Variants in CACNG4 observed in about 807,000 individuals in gnomAD.
CACNG4 encodes the protein voltage-dependent calcium channel gamma-4 subunit.
Under a neutral mutation model 22.9 loss-of-function variants are expected in CACNG4, and 8 were observed. That is an observed-to-expected ratio of 0.35 (90% CI 0.21 to 0.63). The LOEUF (loss-of-function observed/expected upper bound fraction) is 0.63, where lower values mean the gene tolerates loss of function less well. CACNG4 is among the 30% of genes least tolerant of loss of function. The pLI, the probability that CACNG4 is intolerant of heterozygous loss-of-function variation, is 0.72. For synonymous variants in CACNG4, 188 were observed against 191.9 expected (o/e 0.98, Z 0.17); for missense variants, 357 against 455.4 (o/e 0.78, Z 1.97).
In CACNG4 at chr17:67,030,332, G is replaced by A. The variant is rs1391017140; in HGVS notation, c.446-134G>A. The A allele has an allele frequency of 5.3e-6, 4 of 757,926 alleles. No individual in the cohort carries two copies. The highest frequency in any genetic ancestry group is 8.9e-6 in the Non-Finnish European group (4 of 450,784). The allele number at this position is 757,926 out of a possible 1,614,324, so 47.0% of individuals were successfully genotyped here. On this transcript the variant is annotated intron_variant, in intron 3 of 3. Coordinates refer to ENST00000262138, the MANE Select transcript of CACNG4 (RefSeq NM_014405.4). The surrounding 1 kb of genome is among the most constrained non-coding windows in gnomAD (Gnocchi z 6.4). Reference sequence around the variant, plus strand: ...CATTAATTACTGAAAAGAAAAATTAGCAACCAGAATAAAGAAATACTCATC... The same window carrying A: ...CATTAATTACTGAAAAGAAAAATTAACAACCAGAATAAAGAAATACTCATC...
At position 67,028,349 on chromosome 17, in the gene CACNG4, C is replaced by T. The variant is rs181201377; in HGVS notation, c.446-2117C>T. 5.1e-3 allele frequency among the ~76,000 whole-genome samples: 771 copies of T among 152,188 alleles called. 12 individuals are homozygous for T. The highest frequency in any genetic ancestry group is 0.018 in the African/African-American group (751 of 41,532). On this transcript the variant is annotated intron_variant, in intron 3 of 3. Transcript: ENST00000262138. The stretch of plus-strand genomic sequence containing the variant: ...CGGGCGGATCACAAGCTCAGGAGAT[C>T]GAGACCATTCTGGCTAACACGGTGA...
At chr17:66,982,225 C>G (rs566659187) in intron 1 of CACNG4, among the ~76,000 whole-genome samples, 2 of 152,316 alleles carry the variant, frequency 1.3e-5, no homozygotes, top group South Asian at 4.2e-4. Flanking sequence ...AGCTTTTATT[C>G]CTTTATTTGT....
chr17:67,022,531 A>G (rs1247357548), intron 2 of CACNG4, among the ~76,000 whole-genome samples: 3 of 152,008 alleles, frequency 2.0e-5, no homozygotes, highest in Non-Finnish European at 4.4e-5. Context: ...CACCGGAGAG[A>G]AGAACTGCAT....
At chr17:67,001,832 A>G (rs2035409850) in intron 1 of CACNG4, among the ~76,000 whole-genome samples, 1 of 152,250 alleles carries the variant, frequency 6.6e-6, no homozygotes, top group Non-Finnish European at 1.5e-5. Flanking sequence ...CTTCCTGGAA[A>G]GCCACCAGTG....
intron 1 of CACNG4, among the ~76,000 whole-genome samples, chr17:66,968,345 G>A (rs977562844): frequency 2.0e-5 from 3 of 152,128 alleles, no homozygotes; most frequent in Non-Finnish European, 2.9e-5. Context: ...ATGCACAACG[G>A]ATACATAAAT....
At chr17:66,977,367 C>T (rs1327136637) in intron 1 of CACNG4, among the ~76,000 whole-genome samples, 1 of 152,082 alleles carries the variant, frequency 6.6e-6, no homozygotes, top group Non-Finnish European at 1.5e-5. Context: ...GAGCTTCGTG[C>T]GCAGAAGGGA....
Position 67,030,967 on chromosome 17 carries a change from A to G in CACNG4, c.947A>G (p.His316Arg). Residue 316 changes from histidine to arginine, a missense_variant, in exon 4 of 4, where the codon CAC (histidine) becomes CGC (arginine). By Grantham distance (29) the His-to-Arg change is conservative (BLOSUM62 0). Transcript: ENST00000262138. This position sits in a 1 kb window ranked among gnomAD's most constrained non-coding sequence, Gnocchi z 6.4. ...FFQQDLKEGF[H>R]VSMLNRRTTP... Reference sequence around the variant, plus strand: ...CAGCAGGACCTGAAGGAAGGTTTCCACGTCAGCATGCTGAACCGACGGACG... The same window carrying G: ...CAGCAGGACCTGAAGGAAGGTTTCCGCGTCAGCATGCTGAACCGACGGACG... 6.2e-7 allele frequency: 1 copy of G among 1,613,676 alleles called. No homozygotes were observed. The highest frequency in any genetic ancestry group is 1.1e-5 in the South Asian group (1 of 91,082).
intron 1 of CACNG4, among the ~76,000 whole-genome samples, chr17:66,983,023 A>G (rs2035285948): frequency 6.6e-6 from 1 of 152,250 alleles, no homozygotes; most frequent in African/African-American, 2.4e-5. Context: ...CAGCTTGCCC[A>G]AGGCCCCGGA....
At chr17:67,021,893 C>T (rs1157007312) in intron 2 of CACNG4, 1 of 152,338 alleles carries the variant, frequency 6.6e-6, no homozygotes, top group African/African-American at 2.4e-5. Flanking sequence ...TCCCTCCACC[C>T]CTTAGCCACC....
chr17:66,995,583 G>T (rs1400898281), intron 1 of CACNG4, among the ~76,000 whole-genome samples: 1 of 152,176 alleles, frequency 6.6e-6, no homozygotes, highest in Non-Finnish European at 1.5e-5. Flanking sequence ...CGGGCGCAGG[G>T]GCTCACCCCT....
chr17:67,018,912 C>T (rs865924925), intron 2 of CACNG4, among the ~76,000 whole-genome samples: 23 of 152,132 alleles, frequency 1.5e-4, no homozygotes, highest in Middle Eastern at 3.4e-3. Flanking sequence ...GACTGAAGCC[C>T]GGAAGTCACA....
chr17:66,997,786 C>T (rs1201813071), intron 1 of CACNG4, among the ~76,000 whole-genome samples: 1 of 152,148 alleles, frequency 6.6e-6, no homozygotes, highest in African/African-American at 2.4e-5. Context: ...CACTGCCCTC[C>T]AGCCTGGGCA....
rs2035359327 is a variant in CACNG4, at chr17:66,994,173, A to G, written c.221-24016A>G. ...TGGTGAAACCCTGTCTCTACTAAAA[A>G]TAGAAAATTAGCCCAGTGTGGAGCA... On this transcript the variant is annotated intron_variant, in intron 1 of 3. Coordinates refer to ENST00000262138, the MANE Select transcript of CACNG4 (RefSeq NM_014405.4). 1.3e-5 allele frequency among the ~76,000 whole-genome samples: 2 copies of G among 152,066 alleles called. 1 individual carries two copies. The highest frequency in any genetic ancestry group is 4.2e-4 in the South Asian group (2 of 4,818).
chr17:66,996,933 C>T (rs943667604), intron 1 of CACNG4, among the ~76,000 whole-genome samples: 8 of 151,970 alleles, frequency 5.3e-5, no homozygotes, highest in South Asian at 2.1e-4. Flanking sequence ...TATAAGGGGA[C>T]GAGGGCAGGA....
At chr17:66,981,520 G>A (rs964557585) in intron 1 of CACNG4, among the ~76,000 whole-genome samples, 6 of 152,196 alleles carry the variant, frequency 3.9e-5, no homozygotes, top group Non-Finnish European at 5.9e-5. Flanking sequence ...CTAGACTGTG[G>A]CTTGAAACAT....
At chr17:67,013,882 G>C (rs992217792) in intron 1 of CACNG4, among the ~76,000 whole-genome samples, 5 of 152,032 alleles carry the variant, frequency 3.3e-5, no homozygotes, top group Non-Finnish European at 7.4e-5. Flanking sequence ...GTGTGCAGAC[G>C]AGCCTGTACC....
chr17:66,988,279 G>A (rs148777403), intron 1 of CACNG4, among the ~76,000 whole-genome samples: 3 of 152,170 alleles, frequency 2.0e-5, no homozygotes, highest in Non-Finnish European at 2.9e-5. Flanking sequence ...AAGGCTCAGC[G>A]CTGTCTGCTC....
chr17:66,987,050 C>T (rs1423894461), intron 1 of CACNG4, among the ~76,000 whole-genome samples: 2 of 152,132 alleles, frequency 1.3e-5, no homozygotes, highest in Non-Finnish European at 2.9e-5. Context: ...AGAAAAAAGA[C>T]AGCAGATTCG....
chr17:66,989,598 C>T (rs1269870163), intron 1 of CACNG4, among the ~76,000 whole-genome samples: 2 of 151,596 alleles, frequency 1.3e-5, no homozygotes, highest in Non-Finnish European at 2.9e-5. Flanking sequence ...GTCATGGCAG[C>T]CCCAGAAAAC....
Sources: allele counts gnomAD v4.1 joint callset (sites outside exome capture counted in the v4.1 genomes callset), GRCh38; gene constraint gnomAD v4.1.1; non-coding constraint Gnocchi (gnomAD v3.1); transcripts MANE v1.5; gene names NCBI Gene and HGNC (gene_info 2026-07-23, HGNC 2026-07-21).